The following SULF2 variants were observed in gnomAD, a reference collection of about 807,000 sequenced individuals.
SULF2 encodes sulfatase 2.
In SULF2, 52 loss-of-function variants were observed where a neutral mutation model predicts 107.7. The ratio of observed to expected loss-of-function variants is 0.48; its 90% CI spans 0.39 to 0.61. The LOEUF is 0.61. Among genes scored for constraint, SULF2 ranks in the 20% least tolerant of loss-of-function variants. SULF2 has a pLI of 0.00. For missense variants in SULF2, 993 were observed against 1,177.3 expected (o/e 0.84, Z 2.29); for synonymous variants, 460 against 464.3 (o/e 0.99, Z 0.12).
Position 47,743,424 on chromosome 20 carries a change from C to T in SULF2, c.176-6482G>A, listed in dbSNP as rs920797784. The stretch of plus-strand genomic sequence containing the variant: ...CCCCAGGTTCAGGTGATCCTCCCAC[C>T]TCCACCTCCTGAGTAGCTGGAATTA... On this transcript the variant is annotated intron_variant, in intron 2 of 20. Coordinates refer to ENST00000688720, the MANE Select transcript of SULF2 (RefSeq NM_001387048.1). Among the ~76,000 whole-genome samples the T allele has an allele frequency of 4.6e-5, 7 of 152,122 alleles. No homozygotes were observed. The South Asian group carries it at 1.5e-3, about 32-fold the overall frequency.
rs773302629 is a variant in SULF2, at chr20:47,664,155, T to G, written c.2032A>C (p.Arg678=). The change falls in exon 15 of 21, where the codon AGA becomes CGA. Residue 678 remains arginine, a synonymous_variant. Transcript: ENST00000688720. ...HTQHKGRLKH[R]GSSLHPFRKG... is the part of the protein sequence containing the mutation. The stretch of plus-strand genomic sequence containing the variant: ...CTGAAAGGATGCAGACTGGAGCCTC[T>G]GTGCTTGAGGCGGCCTTTGTGCTGG... 1.7e-5 allele frequency: 27 copies of G among 1,613,512 alleles called. No individual in the cohort carries two copies. Among genetic ancestry groups the G allele is most frequent in the Non-Finnish European group, 1.7e-5 (20 of 1,179,850 alleles).
At chr20:47,757,112 T>C in intron 2 of SULF2, 77 bp downstream of exon 2, 1 of 1,336,296 alleles carries the variant, frequency 7.5e-7, no homozygotes, top group Middle Eastern at 2.6e-4. Flanking sequence ...ACCACCGCCT[T>C]GCCTCAGGAG....
intron 2 of SULF2, among the ~76,000 whole-genome samples, chr20:47,746,163 A>G (rs2090030712): frequency 6.6e-6 from 1 of 152,208 alleles, no homozygotes; most frequent in Admixed American, 6.5e-5. Context: ...GTGGGCATGG[A>G]GTTTGCAACC....
chr20:47,728,568 G>A (rs1237906308), intron 3 of SULF2, among the ~76,000 whole-genome samples: 1 of 152,164 alleles, frequency 6.6e-6, no homozygotes, highest in African/African-American at 2.4e-5. Flanking sequence ...GAGCACCTAC[G>A]ATGGGGTGGG....
At chr20:47,746,245 A>C (rs1024018310) in intron 2 of SULF2, among the ~76,000 whole-genome samples, 8 of 152,256 alleles carry the variant, frequency 5.3e-5, no homozygotes, top group African/African-American at 1.7e-4. Context: ...ACTGGGGCCC[A>C]GAGACCTGCA....
intron 3 of SULF2, among the ~76,000 whole-genome samples, chr20:47,709,271 G>A (rs1047916881): frequency 3.9e-5 from 6 of 152,172 alleles, no homozygotes; most frequent in Admixed American, 6.5e-5. Flanking sequence ...GGGGGCTGGC[G>A]TGGGGGTGGG....
At chr20:47,687,711 G>T (rs1370703026) in intron 5 of SULF2, among the ~76,000 whole-genome samples, 1 of 151,456 alleles carries the variant, frequency 6.6e-6, no homozygotes, top group Non-Finnish European at 1.5e-5. Flanking sequence ...CTGCATGTGT[G>T]TGTTTTTTTT....
At chr20:47,716,746 A>G (rs1332242400) in intron 3 of SULF2, among the ~76,000 whole-genome samples, 1 of 152,172 alleles carries the variant, frequency 6.6e-6, no homozygotes, top group East Asian at 1.9e-4. Context: ...CTGTAATCCC[A>G]GCACTTCGGG....
chr20:47,666,918 C>G lies in SULF2; in HGVS notation c.1577-430G>C, dbSNP rs530048947. ...TATTGTTACATTCTATTTATAGGAA[C>G]TACCCAGAATAGGTAAATCTATAGC... On this transcript the variant is annotated intron_variant, in intron 11 of 20. Coordinates refer to ENST00000688720, the MANE Select transcript of SULF2 (RefSeq NM_001387048.1). The surrounding 1 kb of genome is among the most constrained non-coding windows in gnomAD (Gnocchi z 5.4). Among the ~76,000 whole-genome samples the G allele has an allele frequency of 2.5e-3, 379 of 152,314 alleles. 1 individual carries two copies. The highest frequency in any genetic ancestry group is 8.5e-3 in the African/African-American group (352 of 41,562).
In SULF2 at chr20:47,712,976, G is replaced by A. The variant is rs557488743; in HGVS notation, c.416-10306C>T. ...CTTGAGCCCAGGAAGTGGAGGCGGA[G>A]GCTGCAGTGGACCAAGATCCTGCCA... On this transcript the variant is annotated intron_variant, in intron 3 of 20. Coordinates refer to ENST00000688720, the MANE Select transcript of SULF2 (RefSeq NM_001387048.1). Among the ~76,000 whole-genome samples, 4 of 152,228 alleles carry A rather than the reference G, an allele frequency of 2.6e-5. No homozygotes were observed. In the East Asian group the frequency reaches 7.7e-4, roughly 29 times the overall value.
rs1475168571 is a variant in SULF2 at position 47,683,865 on chromosome 20, C to T, written c.888+566G>A. On this transcript the variant is annotated intron_variant, in intron 6 of 20. Coordinates refer to ENST00000688720, the MANE Select transcript of SULF2 (RefSeq NM_001387048.1). ...CCAGGGGTGAAGCTTGAACACGTGG[C>T]GCTAAGTGAAAGAAAGGCGCTGGGC... Among the ~76,000 whole-genome samples, 6 of 152,282 alleles carry T rather than the reference C, an allele frequency of 3.9e-5. No homozygotes were observed. The South Asian group carries it at 6.2e-4, about 16-fold the overall frequency.
chr20:47,670,682 G>GGAGAACGGGGT (rs1568790826), intron 11 of SULF2, among the ~76,000 whole-genome samples: 1 of 292 alleles, frequency 3.4e-3, no homozygotes, highest in Non-Finnish European at 6.1e-3. Context: ...CAGCAGGGTG[G>GGAGAACGGGGT]GAGAGCGGGG....
intron 7 of SULF2, among the ~76,000 whole-genome samples, chr20:47,682,464 C>T (rs974133314): frequency 6.6e-6 from 1 of 152,230 alleles, no homozygotes; most frequent in African/African-American, 2.4e-5. Flanking sequence ...AGCATGTTCG[C>T]TGCCAGAACA....
At chr20:47,672,465 C>A in intron 10 of SULF2, 72 bp from the exon 11 acceptor site, 1 of 1,490,674 alleles carries the variant, frequency 6.7e-7, no homozygotes, top group South Asian at 1.3e-5. Context: ...CTGCCACCCC[C>A]ATCCACCCTG....
chr20:47,733,317 G>T (rs2146768800), intron 3 of SULF2, among the ~76,000 whole-genome samples: 1 of 152,258 alleles, frequency 6.6e-6, no homozygotes, highest in South Asian at 2.1e-4. Flanking sequence ...AAATACTTTT[G>T]CAAAAATGTC....
intron 3 of SULF2, among the ~76,000 whole-genome samples, chr20:47,730,765 TTTTG>T (rs1245744761): frequency 2.0e-5 from 3 of 152,158 alleles, no homozygotes; most frequent in Admixed American, 1.3e-4. Flanking sequence ...GTTACTTTTT[TTTTG>T]TTTTTTGTTT....
intron 2 of SULF2, among the ~76,000 whole-genome samples, chr20:47,753,662 C>T (rs1487443905): frequency 6.6e-6 from 1 of 152,172 alleles, no homozygotes; most frequent in East Asian, 1.9e-4. Context: ...AAAATAAGTC[C>T]AGTTAAAGAA....
intron 3 of SULF2, among the ~76,000 whole-genome samples, chr20:47,731,687 G>A (rs1242425244): frequency 6.6e-6 from 1 of 152,210 alleles, no homozygotes; most frequent in East Asian, 1.9e-4. Context: ...GGGGGACACA[G>A]CCAGAGTAAA....
At chr20:47,753,669 A>G (rs1355384444) in intron 2 of SULF2, among the ~76,000 whole-genome samples, 1 of 152,272 alleles carries the variant, frequency 6.6e-6, no homozygotes, top group African/African-American at 2.4e-5. Flanking sequence ...GTCCAGTTAA[A>G]GAAATTCTCA....
Sources: gnomAD v4.1 joint callset for allele counts (sites outside exome capture counted in the v4.1 genomes callset) on GRCh38, gnomAD v4.1.1 for gene constraint, Gnocchi (gnomAD v3.1) non-coding constraint, MANE v1.5 for transcripts, NCBI Gene and HGNC (gene_info 2026-07-23, HGNC 2026-07-21) for gene names.